The following ATP9A variants were observed in gnomAD, a reference collection of about 807,000 sequenced individuals.
ATP9A encodes probable phospholipid-transporting ATPase IIA.
A neutral mutation model predicts 144.1 loss-of-function variants in ATP9A; 52 were observed. The ratio of observed to expected loss-of-function variants is 0.36; its 90% CI spans 0.29 to 0.45. The LOEUF (loss-of-function observed/expected upper bound fraction) is 0.45. ATP9A is among the 20% of genes least tolerant of loss of function. The pLI, the probability that ATP9A is intolerant of heterozygous loss-of-function variation, is 1.00. For missense variants in ATP9A, 947 were observed against 1,392.7 expected, an observed-to-expected ratio of 0.68 and a Z score of 5.09; for synonymous variants, 582 against 557.4, an observed-to-expected ratio of 1.04 and a Z score of -0.62.
intron 13 of ATP9A, among the ~76,000 whole-genome samples, chr20:51,661,353 T>C (rs370088058): frequency 3.4e-4 from 50 of 147,340 alleles, no homozygotes; most frequent in African/African-American, 1.2e-3. Flanking sequence ...TGGGTTGCAA[T>C]TGACTGAAAT....
At chr20:51,762,700 A>G (rs2077886212) in intron 1 of ATP9A, among the ~76,000 whole-genome samples, 1 of 137,792 alleles carries the variant, frequency 7.3e-6, no homozygotes, top group Non-Finnish European at 1.5e-5. Flanking sequence ...TATATCCACA[A>G]ATGGCTTTTT....
intron 17 of ATP9A, among the ~76,000 whole-genome samples, chr20:51,625,775 A>AC (rs376335307): frequency 6.6e-6 from 1 of 152,350 alleles, no homozygotes; most frequent in African/African-American, 2.4e-5. Flanking sequence ...TTTTCTAAAG[A>AC]CCAAGTCGAG....
intron 1 of ATP9A, among the ~76,000 whole-genome samples, chr20:51,731,293 C>T (rs1470693572): frequency 1.3e-5 from 2 of 151,384 alleles, no homozygotes; most frequent in Non-Finnish European, 2.9e-5. Context: ...AGCGAGACTC[C>T]GTCTCAAATA....
rs2077185064 is a variant in ATP9A, at chr20:51,611,571, T to C, written c.2572-1406A>G. 6.6e-6 allele frequency among the ~76,000 whole-genome samples: 1 copy of C among 152,204 alleles called. No homozygotes were observed. The highest frequency in any genetic ancestry group is 2.4e-5 in the African/African-American group (1 of 41,446). On this transcript the variant is annotated intron_variant, in intron 23 of 27. Transcript: ENST00000338821. The surrounding 1 kb of genome is among the most constrained non-coding windows in gnomAD (Gnocchi z 4.2). ...TTGCTCTCGGCCATTTTCAGCACAG[T>C]GGACAGGGGTTAAAGGCATTTTCTT...
rs533815477 is a variant in ATP9A at position 51,708,984 on chromosome 20, T to C, written c.436+3982A>G. Among the ~76,000 whole-genome samples the C allele has an allele frequency of 4.6e-5, 7 of 152,210 alleles. No individual in the cohort carries two copies. In the East Asian group the frequency reaches 7.7e-4, roughly 17 times the overall value. The stretch of plus-strand genomic sequence containing the variant: ...AAGAAAAAAATGCTATCAAAGGACA[T>C]TTTAGGGACAAATAGCAAAATTTTA... On this transcript the variant is annotated intron_variant, in intron 4 of 27. Transcript: ENST00000338821.
At chr20:51,714,523 A>G (rs1429075352) in intron 3 of ATP9A, among the ~76,000 whole-genome samples, 1 of 152,138 alleles carries the variant, frequency 6.6e-6, no homozygotes, top group African/African-American at 2.4e-5. Flanking sequence ...CTGGTATTAC[A>G]TGCCCACCTA....
chr20:51,717,999 G>A (rs1277000193), intron 3 of ATP9A, among the ~76,000 whole-genome samples: 3 of 151,990 alleles, frequency 2.0e-5, no homozygotes, highest in African/African-American at 2.4e-5. Flanking sequence ...GCCAAACATG[G>A]CTAAGGTCTC....
intron 1 of ATP9A, among the ~76,000 whole-genome samples, chr20:51,745,426 CAA>C (rs11483249): frequency 7.0e-6 from 1 of 142,580 alleles, no homozygotes; most frequent in Non-Finnish European, 1.5e-5. Flanking sequence ...GATTCTGTCT[CAA>C]AAAAAAAAAA....
chr20:51,610,999 T>A (rs1402911495), intron 23 of ATP9A, among the ~76,000 whole-genome samples: 1 of 152,222 alleles, frequency 6.6e-6, no homozygotes, highest in Non-Finnish European at 1.5e-5. Context: ...CTTGAAGCTC[T>A]GTTAGCTCCA....
At chr20:51,716,598 G>C (rs529951497) in intron 3 of ATP9A, among the ~76,000 whole-genome samples, 1 of 152,166 alleles carries the variant, frequency 6.6e-6, no homozygotes, top group East Asian at 1.9e-4. Context: ...GATTGTTGCA[G>C]TAAGCAGAGA....
intron 1 of ATP9A, among the ~76,000 whole-genome samples, chr20:51,766,155 C>T (rs1029889376): frequency 3.3e-5 from 5 of 152,136 alleles, no homozygotes; most frequent in African/African-American, 1.2e-4. Flanking sequence ...CATGTACTGA[C>T]TCAAAAGTTC....
chr20:51,601,353 A>G lies in ATP9A; in HGVS notation c.3008-6T>C. On this transcript the variant is annotated splice_polypyrimidine_tract_variant and splice_region_variant and intron_variant, in intron 27 of 27. Transcript: ENST00000338821. Reference sequence around the variant, plus strand: ...GGTGGCGATGAAGTACACATCTGCAAGGAAAGGGGAAGACGGCAGTGAGCA... The same window carrying G: ...GGTGGCGATGAAGTACACATCTGCAGGGAAAGGGGAAGACGGCAGTGAGCA... 1 of 1,607,042 alleles carries G rather than the reference A, an allele frequency of 6.2e-7. No homozygotes were observed. The highest frequency in any genetic ancestry group is 8.5e-7 in the Non-Finnish European group (1 of 1,176,468).
chr20:51,598,701 A>T lies in ATP9A; in HGVS notation c.*2510T>A, dbSNP rs915980718. The stretch of plus-strand genomic sequence containing the variant: ...TTACAGTCTGATTGTGCAGGTAAAG[A>T]TCGTGTCCTCTCACCGGACTGCATC... On this transcript the variant is annotated 3_prime_UTR_variant, in exon 28 of 28. Transcript: ENST00000338821. 6.6e-6 allele frequency: 1 copy of T among 151,480 alleles called. No homozygotes were observed. The highest frequency in any genetic ancestry group is 6.6e-5 in the Admixed American group (1 of 15,160). The allele number at this position is 151,480 out of a possible 1,614,324, so 9.4% of individuals were successfully genotyped here.
chr20:51,763,363 A>G (rs1326053597), intron 1 of ATP9A, among the ~76,000 whole-genome samples: 2 of 149,232 alleles, frequency 1.3e-5, no homozygotes, highest in South Asian at 4.3e-4. Flanking sequence ...CCCAGGCTAC[A>G]GTGCAGTGGC....
chr20:51,765,910 C>T (rs538880037), intron 1 of ATP9A, among the ~76,000 whole-genome samples: 2 of 152,066 alleles, frequency 1.3e-5, no homozygotes, highest in South Asian at 2.1e-4. Context: ...TGGGCCAAGA[C>T]CAAGGCATTG....
intron 7 of ATP9A, among the ~76,000 whole-genome samples, chr20:51,691,995 A>G (rs1027615628): frequency 3.3e-5 from 5 of 152,240 alleles, no homozygotes; most frequent in Admixed American, 6.5e-5. Flanking sequence ...ACCAGTCACA[A>G]AAAGACAAAA....
intron 1 of ATP9A, among the ~76,000 whole-genome samples, chr20:51,744,766 G>A (rs186430955): frequency 2.0e-5 from 3 of 152,316 alleles, no homozygotes; most frequent in Non-Finnish European, 4.4e-5. Context: ...CAACCTTCCA[G>A]GAAGTTACAG....
chr20:51,743,041 G>A (rs2077791759), intron 1 of ATP9A, among the ~76,000 whole-genome samples: 1 of 152,160 alleles, frequency 6.6e-6, no homozygotes, highest in Non-Finnish European at 1.5e-5. Flanking sequence ...GAAACCTTGA[G>A]CTTGGTGGCA....
chr20:51,751,258 TTTG>T (rs1322877535), intron 1 of ATP9A, among the ~76,000 whole-genome samples: 3 of 142,666 alleles, frequency 2.1e-5, no homozygotes, highest in Non-Finnish European at 3.1e-5. Context: ...CTGGGTTTTT[TTTG>T]TTTTTTTTTT....
Sources: allele counts gnomAD v4.1 joint callset (sites outside exome capture counted in the v4.1 genomes callset), GRCh38; gene constraint gnomAD v4.1.1; non-coding constraint Gnocchi (gnomAD v3.1); transcripts MANE v1.5; gene names NCBI Gene and HGNC (gene_info 2026-07-23, HGNC 2026-07-21).